The following CPNE9 variants were observed in gnomAD, a reference collection of about 807,000 sequenced individuals.
CPNE9 encodes the protein copine family member 9.
In CPNE9, 59 loss-of-function variants were observed where a neutral mutation model predicts 83.0. That is an observed-to-expected ratio of 0.71 (90% confidence interval 0.58 to 0.88). CPNE9 has a LOEUF of 0.88. Ranked by LOEUF, CPNE9 falls within the 40% of genes least tolerant of loss-of-function variation. The pLI, the probability that CPNE9 is intolerant of heterozygous loss-of-function variation, is 0.00. For synonymous variants in CPNE9, 256 were observed against 273.4 expected (o/e 0.94, Z 0.63); for missense variants, 619 against 720.8 (o/e 0.86, Z 1.62).
chr3:9,709,289 CAAAG>C (rs1470357709), intron 7 of CPNE9, among the ~76,000 whole-genome samples: 3 of 138,376 alleles, frequency 2.2e-5, no homozygotes, highest in Admixed American at 1.4e-4. Flanking sequence ...AAAAAAAAAA[CAAAG>C]AAAAAAGAAA....
chr3:9,707,913 G>A (rs185894951), intron 7 of CPNE9, among the ~76,000 whole-genome samples: 9 of 152,072 alleles, frequency 5.9e-5, no homozygotes, highest in Admixed American at 5.2e-4. Context: ...TCCAAGTGGA[G>A]GTATCAAATG....
Position 9,713,040 on chromosome 3 carries a change from G to T in CPNE9, c.611G>T (p.Ser204Ile), listed in dbSNP as rs779238273. 6.2e-7 allele frequency: 1 copy of T among 1,614,208 alleles called. No homozygotes were observed. Among genetic ancestry groups the T allele is most frequent in the African/African-American group, 1.3e-5 (1 of 75,066 alleles). ...NTLNPVWQPF[S>I]IPVRALCNGD... Reference sequence around the variant, plus strand: ...CTGAATCCTGTGTGGCAGCCCTTCAGCATCCCTGTGCGGGCTCTGTGCAAT... The same window carrying T: ...CTGAATCCTGTGTGGCAGCCCTTCATCATCCCTGTGCGGGCTCTGTGCAAT... The change falls in exon 10 of 21, where the codon AGC becomes ATC. Residue 204 changes from serine (S) to isoleucine (I), a missense_variant. Around this residue, in one of 3 missense-constraint regions of CPNE9, gnomAD observed 438 missense variants for 562.9 expected, o/e 0.78. Transcript: ENST00000383832.
At chr3:9,728,168 A>G (rs901615062) in intron 20 of CPNE9, among the ~76,000 whole-genome samples, 79 of 152,290 alleles carry the variant, frequency 5.2e-4, no homozygotes, top group African/African-American at 1.8e-3. Context: ...GGGCAACTAA[A>G]TATGTGGTTC....
intron 7 of CPNE9, among the ~76,000 whole-genome samples, chr3:9,708,780 C>A (rs1197113383): frequency 6.6e-6 from 1 of 151,866 alleles, no homozygotes; most frequent in African/African-American, 2.4e-5. Context: ...CTACAGGCAC[C>A]CGCCACCATG....
At chr3:9,727,284 T>C (rs565879474) in intron 20 of CPNE9, 98 bp downstream of exon 20, 116 of 1,262,180 alleles carry the variant, frequency 9.2e-5, no homozygotes, top group Admixed American at 5.7e-4. Flanking sequence ...AGTCTCCTAC[T>C]TTTTTCCCCC....
intron 17 of CPNE9, among the ~76,000 whole-genome samples, chr3:9,722,797 G>A (rs148466586): frequency 2.6e-5 from 4 of 152,194 alleles, no homozygotes; most frequent in Admixed American, 2.6e-4. Flanking sequence ...TCTTAGATGT[G>A]AGCCACCAGG....
chr3:9,708,856 G>C (rs1241196670), intron 7 of CPNE9, among the ~76,000 whole-genome samples: 3 of 151,698 alleles, frequency 2.0e-5, no homozygotes, highest in African/African-American at 4.8e-5. Flanking sequence ...GGTTGGTCTC[G>C]ATCTCCTGAC....
intron 17 of CPNE9, among the ~76,000 whole-genome samples, chr3:9,719,257 A>G (rs1469896646): frequency 1.3e-5 from 2 of 152,170 alleles, no homozygotes; most frequent in Non-Finnish European, 2.9e-5. Context: ...GGAGTTTGGT[A>G]TCCACAGGAG....
intron 17 of CPNE9, among the ~76,000 whole-genome samples, chr3:9,720,439 CAT>C (rs1181772890): frequency 1.3e-5 from 2 of 151,932 alleles, no homozygotes; most frequent in Non-Finnish European, 2.9e-5. Flanking sequence ...AAACTTGAGA[CAT>C]GTGACACATG....
chr3:9,721,416 A>G (rs925693494), intron 17 of CPNE9, among the ~76,000 whole-genome samples: 1 of 152,232 alleles, frequency 6.6e-6, no homozygotes, highest in Non-Finnish European at 1.5e-5. Context: ...TAATTTAGAG[A>G]AAAAAGGTGT....
chr3:9,704,898 G>T lies in CPNE9; in HGVS notation c.164G>T (p.Arg55Leu). 6.2e-7 allele frequency: 1 copy of T among 1,612,952 alleles called. No individual in the cohort carries two copies. The highest frequency in any genetic ancestry group is 8.5e-7 in the Non-Finnish European group (1 of 1,179,684). Residue 55 changes from arginine to leucine, a missense_variant, in exon 4 of 21, where the codon CGG (arginine) becomes CTG (leucine). This residue lies in a region of CPNE9 where 130 missense variants were observed against 117.5 expected (regional missense o/e 1.11). Transcript: ENST00000383832. The surrounding 1 kb of genome is among the most constrained non-coding windows in gnomAD (Gnocchi z 7.1). ...RASQEWREFG[R>L]TEVIDNTLNP... Reference sequence around the variant, plus strand: ...CTCCACCCCCCTACCCAGTTCGGACGGACCGAGGTGATTGATAACACGCTG... The same window carrying T: ...CTCCACCCCCCTACCCAGTTCGGACTGACCGAGGTGATTGATAACACGCTG...
intron 7 of CPNE9, among the ~76,000 whole-genome samples, chr3:9,707,276 C>A (rs1191535173): frequency 7.0e-6 from 1 of 142,036 alleles, no homozygotes; most frequent in Non-Finnish European, 1.5e-5. Context: ...TGGCGTGAAC[C>A]TGGGAGGTGG....
At position 9,717,060 on chromosome 3, in the gene CPNE9, C is replaced by A. The variant is rs781682183; in HGVS notation, c.887C>A (p.Thr296Lys). The part of the protein sequence containing the change: ...FTFVDYIKGG[T>K]QLNFTVAIDF... ...CAATTCATCTGCTTCCCCAACAGGA[C>A]ACAGCTGAACTTCACAGTAGCCATT... The change falls in exon 15 of 21, where the codon ACA becomes AAA. Residue 296 changes from threonine (T) to lysine (K), a missense_variant and splice_region_variant. Coordinates refer to ENST00000383832, the MANE Select transcript of CPNE9 (RefSeq NM_153635.3). The A allele has an allele frequency of 1.9e-6, 3 of 1,614,148 alleles. No individual in the cohort carries two copies. The South Asian group carries it at 3.3e-5, about 18-fold the overall frequency.
Position 9,712,781 on chromosome 3 carries a change from GAAA to G in CPNE9, c.499_501del (p.Lys167del). 1.2e-6 allele frequency: 2 copies of G among 1,614,154 alleles called. No individual in the cohort carries two copies. The highest frequency in any genetic ancestry group is 1.7e-6 in the Non-Finnish European group (2 of 1,180,028). ...AGCTGGACAAGAAGGACTTCTTTGGGAAATCAGACCCCTTCCTTGTGTTCTACA... is the reference window on the plus strand; with the variant it reads ...AGCTGGACAAGAAGGACTTCTTTGGGTCAGACCCCTTCCTTGTGTTCTACA... On this transcript the variant is annotated inframe_deletion, in exon 9 of 21. Transcript: ENST00000383832.
chr3:9,721,731 C>T (rs773839819), intron 17 of CPNE9, among the ~76,000 whole-genome samples: 40 of 152,154 alleles, frequency 2.6e-4, no homozygotes, highest in African/African-American at 7.7e-4. Context: ...GACTAGAGTG[C>T]GCACTGTGTA....
chr3:9,712,886 G>T, intron 9 of CPNE9, 58 bp downstream of exon 9: 1 of 1,572,778 alleles, frequency 6.4e-7, no homozygotes, highest in South Asian at 1.1e-5. Context: ...TAACAAGTGG[G>T]GGAATCTCAG....
chr3:9,725,622 A>G (rs370142560), intron 17 of CPNE9, among the ~76,000 whole-genome samples: 88 of 88,508 alleles, frequency 9.9e-4, no homozygotes, highest in East Asian at 9.4e-3. Context: ...ATACATGTGT[A>G]TATATATGTA....
At chr3:9,719,057 G>C (rs796740804) in intron 17 of CPNE9, among the ~76,000 whole-genome samples, 6 of 151,206 alleles carry the variant, frequency 4.0e-5, no homozygotes, top group African/African-American at 1.5e-4. Context: ...GGCTGGTCTT[G>C]AACTCCCAAC....
chr3:9,718,430 T>A (rs76369335), intron 16 of CPNE9, 45 bp from the exon 17 acceptor site: 29,473 of 1,594,234 alleles, frequency 0.018, 356 homozygotes, highest in African/African-American at 0.057. Context: ...CACTCCTGCA[T>A]GTACCCTGCA....
Sources: allele counts gnomAD v4.1 joint callset (sites outside exome capture counted in the v4.1 genomes callset), GRCh38; gene constraint gnomAD v4.1.1; regional missense constraint gnomAD v4.1.1; non-coding constraint Gnocchi (gnomAD v3.1); transcripts MANE v1.5; gene names NCBI Gene and HGNC (gene_info 2026-07-23, HGNC 2026-07-21).